The following NR4A2 variants were observed in gnomAD, a reference collection of about 807,000 sequenced individuals.
The protein encoded by NR4A2 is nuclear receptor subfamily 4 group A member 2, also known as NGFI-B/nur77 beta-type transcription factor homolog.
A neutral mutation model predicts 50.5 loss-of-function variants in NR4A2; 1 was observed. The observed-to-expected ratio is 0.02, with a 90% CI of 0.01 to 0.09. NR4A2 has a LOEUF of 0.09. Among genes scored for constraint, NR4A2 ranks in the 10% least tolerant of loss-of-function variants. The pLI, the probability that NR4A2 is intolerant of heterozygous loss-of-function variation, is 1.00. For missense variants in NR4A2, 613 were observed against 777.3 expected, an observed-to-expected ratio of 0.79 and a Z score of 2.51; for synonymous variants, 328 against 309.4, an observed-to-expected ratio of 1.06 and a Z score of -0.63.
rs1055625772 is a variant in NR4A2 at position 156,332,692 on chromosome 2, G to T, written c.-339C>A. 55 of 376,842 alleles carry T rather than the reference G, an allele frequency of 1.5e-4. No individual in the cohort carries two copies. The highest frequency in any genetic ancestry group is 2.4e-4 in the Non-Finnish European group (47 of 192,454). 23.3% of individuals were successfully genotyped at this position (376,842 alleles called of 1,614,324 possible). A position where few individuals can be genotyped will look rare whatever the true frequency, so the allele number is the denominator to read the frequency against. ...CGAGCCGCCGGGCGGACTGGCCCTG[G>T]CCGCCAATGTGCCTTTGTTTATGTG... On this transcript the variant is annotated 5_prime_UTR_variant, in exon 1 of 8. Coordinates refer to ENST00000339562, the MANE Select transcript of NR4A2 (RefSeq NM_006186.4).
intron 2 of NR4A2, among the ~76,000 whole-genome samples, 158 bp downstream of exon 2, chr2:156,330,510 A>G (rs1049818490): frequency 2.6e-5 from 4 of 152,128 alleles, no homozygotes; most frequent in African/African-American, 9.7e-5. Flanking sequence ...CTCTTTCTAG[A>G]AATGACCATC....
rs1290040264 is a variant in NR4A2, at chr2:156,325,342, GTGTA to G, written c.*398_*401del. On this transcript the variant is annotated 3_prime_UTR_variant, in exon 8 of 8. Coordinates refer to ENST00000339562, the MANE Select transcript of NR4A2 (RefSeq NM_006186.4). ...TGTGTCTCTGTGTGTGTGTGTGTGT[GTGTA>G]TGTGTGTGTGTGTTACATTTGTCTG... 54 of 304,092 alleles carry G rather than the reference GTGTA, an allele frequency of 1.8e-4. 1 individual carries two copies. The highest frequency in any genetic ancestry group is 1.2e-3 in the Middle Eastern group (1 of 858). The allele number at this position is 304,092 out of a possible 1,614,324, so 18.8% of individuals were successfully genotyped here. A position where few individuals can be genotyped will look rare whatever the true frequency, so the allele number is the denominator to read the frequency against.
chr2:156,330,567 G>T, intron 2 of NR4A2, 101 bp downstream of exon 2: 1 of 1,271,552 alleles, frequency 7.9e-7, no homozygotes, highest in Non-Finnish European at 1.0e-6. Context: ...TCCCGAAGGC[G>T]ATGGGTCGGG....
At chr2:156,327,153 T>C (rs1048616328) in intron 5 of NR4A2, among the ~76,000 whole-genome samples, 1 of 152,160 alleles carries the variant, frequency 6.6e-6, no homozygotes, top group Non-Finnish European at 1.5e-5. Context: ...TACAGTGCCA[T>C]CCAGCCCTGG....
At position 156,329,479 on chromosome 2, in the gene NR4A2, C is replaced by T. The variant is rs904168942; in HGVS notation, c.708G>A (p.Gln236=). 1 of 1,606,650 alleles carries T rather than the reference C, an allele frequency of 6.2e-7. No homozygotes were observed. The highest frequency in any genetic ancestry group is 1.3e-5 in the African/African-American group (1 of 74,862). The part of the protein sequence containing the change: ...KPASMGFPGL[Q]IGHASQLLDT... ...CGAGCAGCTGAGACGCGTGGCCGAT[C>T]TGCAGGCCCGGGAAGCCCATGGACG... The change falls in exon 3 of 8, where the codon CAG becomes CAA. Residue 236 remains glutamine (Q), a synonymous_variant. Coordinates refer to ENST00000339562, the MANE Select transcript of NR4A2 (RefSeq NM_006186.4). The surrounding 1 kb of genome is among the most constrained non-coding windows in gnomAD (Gnocchi z 7.5).
rs576050180 is a variant in NR4A2, at chr2:156,329,082, G to A, written c.864+241C>T. On this transcript the variant is annotated intron_variant, in intron 3 of 7. Transcript: ENST00000339562. The surrounding 1 kb of genome is among the most constrained non-coding windows in gnomAD (Gnocchi z 7.5). ...ACTTCGGGCGGGGGCCAGCCGGGTC[G>A]GCTGAATGCGAGGGGGATGCGACCC... Among the ~76,000 whole-genome samples, 6 of 152,320 alleles carry A rather than the reference G, an allele frequency of 3.9e-5. No homozygotes were observed. The East Asian group carries it at 1.2e-3, about 29-fold the overall frequency.
In NR4A2 at chr2:156,329,643, G is replaced by T; in HGVS notation, c.544C>A (p.Pro182Thr). 1 of 1,613,812 alleles carries T rather than the reference G, an allele frequency of 6.2e-7. No homozygotes were observed. The highest frequency in any genetic ancestry group is 8.5e-7 in the Non-Finnish European group (1 of 1,179,846). ...RLSLFSFKQS[P>T]PGTPVSSCQM... ...CAACTAGACACCGGGGTGCCAGGGG[G>T]CGATTGCTTAAAGGAGAAGAGGGAG... The change falls in exon 3 of 8, where the codon CCC becomes ACC. Residue 182 changes from proline to threonine, a missense_variant. Coordinates refer to ENST00000339562, the MANE Select transcript of NR4A2 (RefSeq NM_006186.4). The surrounding 1 kb of genome is among the most constrained non-coding windows in gnomAD (Gnocchi z 7.5).
intron 2 of NR4A2, 57 bp from the exon 3 acceptor site, chr2:156,330,245 C>T (rs969570808): frequency 1.8e-4 from 292 of 1,597,566 alleles, no homozygotes; most frequent in Non-Finnish European, 2.4e-4. Context: ...CACTTTCTCC[C>T]GGGCTCGGGT....
rs1360698742 is a variant in NR4A2, at chr2:156,327,879, G to A, written c.1130C>T (p.Pro377Leu). 6.3e-7 allele frequency: 1 copy of A among 1,590,704 alleles called. No homozygotes were observed. Among genetic ancestry groups the A allele is most frequent in the Non-Finnish European group, 8.6e-7 (1 of 1,167,776 alleles). ...ALVRAHVDSNPAMTSLDYSRF... is the reference protein window; with the variant it reads ...ALVRAHVDSNLAMTSLDYSRF... ...GGAATAGTCCAGGCTGGTCATAGCC[G>A]GGTTGGAGTCGACATGGGCCCTGAC... The change falls in exon 5 of 8, where the codon CCG (proline) becomes CTG (leucine). Residue 377 changes from proline to leucine, a missense_variant. Pro to Leu is a moderately conservative substitution (Grantham distance 98). Coordinates refer to ENST00000339562, the MANE Select transcript of NR4A2 (RefSeq NM_006186.4).
chr2:156,328,518 T>C lies in NR4A2; in HGVS notation c.880A>G (p.Asn294Asp). Reference protein sequence around the residue: ...KGFFKRTVQKNAKYVCLANKN... With the variant: ...KGFFKRTVQKDAKYVCLANKN... ...TTTGCTAAACACACGTATTTTGCAT[T>C]TTTTTGCACTGTGCGCTGCAAAAGG... The change falls in exon 4 of 8, where the codon AAT becomes GAT. Residue 294 changes from asparagine to aspartate, a missense_variant. Physicochemically the swap from Asn to Asp is conservative, Grantham distance 23. Around this residue, in one of 4 missense-constraint regions of NR4A2, gnomAD observed 27 missense variants for 120.7 expected, o/e 0.22. Transcript: ENST00000339562. This position sits in a 1 kb window ranked among gnomAD's most constrained non-coding sequence, Gnocchi z 4.9. 1 of 1,614,198 alleles carries C rather than the reference T, an allele frequency of 6.2e-7. No individual in the cohort carries two copies. Among genetic ancestry groups the C allele is most frequent in the Non-Finnish European group, 8.5e-7 (1 of 1,180,030 alleles).
At chr2:156,332,123 C>T (rs1686958256) in intron 1 of NR4A2, among the ~76,000 whole-genome samples, 1 of 152,182 alleles carries the variant, frequency 6.6e-6, no homozygotes, top group Non-Finnish European at 1.5e-5. Context: ...ATACATAGGA[C>T]TTGGAGTCTC....
rs1686649250 is a variant in NR4A2 at position 156,326,526 on chromosome 2, T to C, written c.1361+192A>G. ...CGCCCCCTATCCCACCTCCATTCCA[T>C]TCATCCAAGGCTTCTGGGCTCGCTT... On this transcript the variant is annotated intron_variant, in intron 6 of 7. Coordinates refer to ENST00000339562, the MANE Select transcript of NR4A2 (RefSeq NM_006186.4). The surrounding 1 kb of genome is among the most constrained non-coding windows in gnomAD (Gnocchi z 4.2). Among the ~76,000 whole-genome samples, 1 of 152,206 alleles carries C rather than the reference T, an allele frequency of 6.6e-6. No homozygotes were observed. The highest frequency in any genetic ancestry group is 1.5e-5 in the Non-Finnish European group (1 of 68,028).
chr2:156,326,659 T>C lies in NR4A2; in HGVS notation c.1361+59A>G. The C allele has an allele frequency of 6.4e-7, 1 of 1,573,988 alleles. No individual in the cohort carries two copies. Among genetic ancestry groups the C allele is most frequent in the East Asian group, 2.2e-5 (1 of 44,694 alleles). Reference sequence around the variant, plus strand: ...CTCTGGTTTCCCTTCCTCCCTTTCTTTTCCTTTCTTGATTTCTCTCACAGC... The same window carrying C: ...CTCTGGTTTCCCTTCCTCCCTTTCTCTTCCTTTCTTGATTTCTCTCACAGC... On this transcript the variant is annotated intron_variant, in intron 6 of 7. Transcript: ENST00000339562. This position sits in a 1 kb window ranked among gnomAD's most constrained non-coding sequence, Gnocchi z 4.2.
chr2:156,326,855 A>T lies in NR4A2; in HGVS notation c.1224T>A (p.Asp408Glu), dbSNP rs1686669669. 1.2e-6 allele frequency: 2 copies of T among 1,614,086 alleles called. No homozygotes were observed. Among genetic ancestry groups the T allele is most frequent in the African/African-American group, 2.7e-5 (2 of 74,926 alleles). ...TGATCTCCATGGAGCCAGTCAGGAG[A>T]TCATAGAATTGCTGGATATGCTGGG... ...DDTQHIQQFY[D>E]LLTGSMEIIR... The change falls in exon 6 of 8, where the codon GAT (aspartate) becomes GAA (glutamate). Residue 408 changes from aspartate to glutamate, a missense_variant. Asp to Glu is a conservative substitution (Grantham distance 45). Transcript: ENST00000339562. This position sits in a 1 kb window ranked among gnomAD's most constrained non-coding sequence, Gnocchi z 4.2.
chr2:156,326,791 G>C lies in NR4A2; in HGVS notation c.1288C>G (p.Leu430Val). Residue 430 changes from leucine (L) to valine (V), a missense_variant, in exon 6 of 8, where the codon CTG (leucine) becomes GTG (valine). Physicochemically the swap from Leu to Val is conservative, Grantham distance 32. Coordinates refer to ENST00000339562, the MANE Select transcript of NR4A2 (RefSeq NM_006186.4). This position sits in a 1 kb window ranked among gnomAD's most constrained non-coding sequence, Gnocchi z 4.2. Reference protein sequence around the residue: ...WAEKIPGFADLPKADQDLLFE... With the variant: ...WAEKIPGFADVPKADQDLLFE... Reference sequence around the variant, plus strand: ...AGCAGGTCTTGGTCGGCTTTGGGCAGGTCTGCGAAGCCAGGGATCTTCTCT... The same window carrying C: ...AGCAGGTCTTGGTCGGCTTTGGGCACGTCTGCGAAGCCAGGGATCTTCTCT... The C allele has an allele frequency of 3.1e-6, 5 of 1,614,212 alleles. No homozygotes were observed. The highest frequency in any genetic ancestry group is 4.2e-6 in the Non-Finnish European group (5 of 1,180,038).
Position 156,326,531 on chromosome 2 carries a change from C to T in NR4A2, c.1361+187G>A, listed in dbSNP as rs952919156. Among the ~76,000 whole-genome samples the T allele has an allele frequency of 6.6e-6, 1 of 152,204 alleles. No individual in the cohort carries two copies. Among genetic ancestry groups the T allele is most frequent in the Admixed American group, 6.5e-5 (1 of 15,280 alleles). ...CCTATCCCACCTCCATTCCATTCAT[C>T]CAAGGCTTCTGGGCTCGCTTCTTCT... On this transcript the variant is annotated intron_variant, in intron 6 of 7. Coordinates refer to ENST00000339562, the MANE Select transcript of NR4A2 (RefSeq NM_006186.4). This position sits in a 1 kb window ranked among gnomAD's most constrained non-coding sequence, Gnocchi z 4.2.
chr2:156,329,520 G>A lies in NR4A2; in HGVS notation c.667C>T (p.Pro223Ser), dbSNP rs775524772. The change falls in exon 3 of 8, where the codon CCC (proline) becomes TCC (serine). Residue 223 changes from proline to serine, a missense_variant. This residue lies in a region of NR4A2 where 275 missense variants were observed against 248.9 expected (regional missense o/e 1.10). Transcript: ENST00000339562. This position sits in a 1 kb window ranked among gnomAD's most constrained non-coding sequence, Gnocchi z 7.5. ...VDGQTFAVPN[P>S]IRKPASMGFP... ...CCCATGGACGCGGGCTTGCGAATGG[G>A]GTTGGGCACAGCGAAGGTCTGCCCG... 1.2e-6 allele frequency: 2 copies of A among 1,606,328 alleles called. No individual in the cohort carries two copies. The highest frequency in any genetic ancestry group is 1.7e-6 in the Non-Finnish European group (2 of 1,176,790).
In NR4A2 at chr2:156,328,069, G is replaced by T; in HGVS notation, c.995-55C>A. The T allele has an allele frequency of 1.3e-6, 2 of 1,569,128 alleles. No homozygotes were observed. Among genetic ancestry groups the T allele is most frequent in the Non-Finnish European group, 1.7e-6 (2 of 1,155,412 alleles). On this transcript the variant is annotated intron_variant, in intron 4 of 7. Coordinates refer to ENST00000339562, the MANE Select transcript of NR4A2 (RefSeq NM_006186.4). This position sits in a 1 kb window ranked among gnomAD's most constrained non-coding sequence, Gnocchi z 4.9. Reference sequence around the variant, plus strand: ...TTTTCCGAGCCCAGGCCCAGCTGCTGCCTCGGTCCCTCCCCGGGGAAGGCC... The same window carrying T: ...TTTTCCGAGCCCAGGCCCAGCTGCTTCCTCGGTCCCTCCCCGGGGAAGGCC...
At chr2:156,327,001 G>T in intron 5 of NR4A2, 81 bp from the exon 6 acceptor site, 1 of 1,324,404 alleles carries the variant, frequency 7.6e-7, no homozygotes, top group Non-Finnish European at 1.1e-6. Context: ...GTTTCTAATA[G>T]GGGAGCCAGG....
Sources: gnomAD v4.1 joint callset for allele counts (sites outside exome capture counted in the v4.1 genomes callset) on GRCh38, gnomAD v4.1.1 for gene constraint, gnomAD v4.1.1 regional missense constraint, Gnocchi (gnomAD v3.1) non-coding constraint, MANE v1.5 for transcripts, NCBI Gene and HGNC (gene_info 2026-07-23, HGNC 2026-07-21) for gene names.